NBAS: variants seen among roughly 807,000 people sequenced by gnomAD.
The protein encoded by NBAS is NAG/BC035112 fusion.
Under a neutral mutation model 302.5 loss-of-function variants are expected in NBAS, and 219 were observed. The ratio of observed to expected loss-of-function variants is 0.72; its 90% confidence interval spans 0.65 to 0.81. The LOEUF is 0.81. Ranked by LOEUF, NBAS falls within the 30% of genes least tolerant of loss-of-function variation. The pLI is 0.00. For synonymous variants in NBAS, 1,118 were observed against 1,021.6 expected (o/e 1.09, Z -1.80); for missense variants, 2,932 against 2,841.6 (o/e 1.03, Z -0.72).
the NBAS span, among the ~76,000 whole-genome samples, chr2:15,133,574 C>T: frequency 6.6e-6 from 1 of 152,156 alleles, no homozygotes; most frequent in African/African-American, 2.4e-5. Flanking sequence ...AAAATTGAGT[C>T]TGACCTACCA....
intron 49 of NBAS, 73 bp downstream of exon 49, chr2:15,190,191 A>C (rs1285531998): frequency 6.6e-7 from 1 of 1,524,526 alleles, no homozygotes; most frequent in Admixed American, 1.7e-5. Context: ...GGCTCTTTGG[A>C]AGGTGCTACA....
At chr2:15,265,085 A>G (rs1231637801) in intron 44 of NBAS, among the ~76,000 whole-genome samples, 2 of 152,214 alleles carry the variant, frequency 1.3e-5, no homozygotes, top group Admixed American at 1.3e-4. Context: ...CATATGGTCC[A>G]TTTGGGCCAA....
chr2:15,457,796 G>A (rs377474983), intron 21 of NBAS, among the ~76,000 whole-genome samples: 20 of 152,280 alleles, frequency 1.3e-4, no homozygotes, highest in East Asian at 7.7e-4. Flanking sequence ...CCCTCACAAC[G>A]GAAATAATTT....
chr2:14,793,973 T>C, the NBAS span, among the ~76,000 whole-genome samples: 2 of 152,090 alleles, frequency 1.3e-5, no homozygotes, highest in Non-Finnish European at 2.9e-5. Flanking sequence ...AGGAATGAAG[T>C]AGAAATACAA....
chr2:14,801,613 C>CTGTAATTTTGGTGTTAGTTTTCA, the NBAS span, among the ~76,000 whole-genome samples: 1 of 151,972 alleles, frequency 6.6e-6, no homozygotes, highest in African/African-American at 2.4e-5. Context: ...ATTCTATTCC[C>CTGTAATTTTGGTGTTAGTTTTCA]TGTAATTTTG....
At chr2:15,473,433 C>T in intron 15 of NBAS, 86 bp from the exon 16 acceptor site, 3 of 1,524,762 alleles carry the variant, frequency 2.0e-6, no homozygotes, top group South Asian at 2.3e-5. Flanking sequence ...TGATGATAAT[C>T]CCTTGGACTT....
At chr2:14,801,784 A>G in the NBAS span, among the ~76,000 whole-genome samples, 3 of 152,172 alleles carry the variant, frequency 2.0e-5, no homozygotes, top group African/African-American at 7.2e-5. Context: ...GATGTGATTA[A>G]GTTATTTAAA....
chr2:15,534,655 G>C lies in NBAS; in HGVS notation c.648-14C>G. The C allele has an allele frequency of 6.3e-7, 1 of 1,581,662 alleles. No individual in the cohort carries two copies. The highest frequency in any genetic ancestry group is 1.3e-5 in the African/African-American group (1 of 74,222). On this transcript the variant is annotated splice_polypyrimidine_tract_variant and intron_variant, in intron 8 of 51. Coordinates refer to ENST00000281513, the MANE Select transcript of NBAS (RefSeq NM_015909.4). ...TTTGTTCCAACACTAAATTTAAGAGGGTATGAAAGAAGTAAATACCATTAA... is the reference window on the plus strand; with the variant it reads ...TTTGTTCCAACACTAAATTTAAGAGCGTATGAAAGAAGTAAATACCATTAA...
At chr2:14,939,961 A>G in the NBAS span, among the ~76,000 whole-genome samples, 1 of 152,216 alleles carries the variant, frequency 6.6e-6, no homozygotes, top group Non-Finnish European at 1.5e-5. Flanking sequence ...TAGGAATTGA[A>G]AGGAAACTTG....
chr2:15,034,252 G>GAAAGAAAGAAAGAAAC, the NBAS span, among the ~76,000 whole-genome samples: 4 of 94,236 alleles, frequency 4.2e-5, no homozygotes, highest in South Asian at 1.4e-3. Context: ...AAGAAAGAAA[G>GAAAGAAAGAAAGAAAC]AAAGAAAGAA....
chr2:15,287,014 CAAAAATAGACTCT>C (rs1203549215), intron 42 of NBAS, 46 bp downstream of exon 42: 2 of 1,381,698 alleles, frequency 1.4e-6, no homozygotes, highest in Non-Finnish European at 2.1e-6. Flanking sequence ...CAAGAGTCTT[CAAAAATAGACTCT>C]AAAGAAAGAC....
At chr2:14,952,307 C>T in the NBAS span, among the ~76,000 whole-genome samples, 1 of 152,232 alleles carries the variant, frequency 6.6e-6, no homozygotes, top group Non-Finnish European at 1.5e-5. Context: ...CCAAAGGCTT[C>T]CATCTTCCTC....
chr2:15,108,550 T>G, the NBAS span, among the ~76,000 whole-genome samples: 1 of 152,086 alleles, frequency 6.6e-6, no homozygotes, highest in Non-Finnish European at 1.5e-5. Context: ...ATGTATCTGG[T>G]CCAGGAAAGA....
chr2:15,461,950 AT>A (rs1679524636), intron 19 of NBAS, among the ~76,000 whole-genome samples, 159 bp from the exon 20 acceptor site: 1 of 152,372 alleles, frequency 6.6e-6, no homozygotes, highest in Non-Finnish European at 1.5e-5. Flanking sequence ...CTACATCTGC[AT>A]TATTGCCTTT....
the NBAS span, among the ~76,000 whole-genome samples, chr2:14,791,568 C>T: frequency 6.6e-6 from 1 of 151,992 alleles, no homozygotes; most frequent in Admixed American, 6.6e-5. Context: ...CTCTGGGAGG[C>T]CGAGGCAGGC....
At chr2:15,411,522 A>G (rs1676685281) in intron 25 of NBAS, among the ~76,000 whole-genome samples, 2 of 152,184 alleles carry the variant, frequency 1.3e-5, no homozygotes, top group African/African-American at 4.8e-5. Flanking sequence ...ACAAAAATTT[A>G]TATTCATCTT....
chr2:15,499,753 T>C (rs1175362563), intron 11 of NBAS, among the ~76,000 whole-genome samples: 1 of 152,180 alleles, frequency 6.6e-6, no homozygotes, highest in Non-Finnish European at 1.5e-5. Flanking sequence ...CAGGTACCCC[T>C]GAACTTACAA....
intron 38 of NBAS, among the ~76,000 whole-genome samples, chr2:15,320,322 C>T (rs1235188051): frequency 2.0e-5 from 3 of 152,194 alleles, no homozygotes; most frequent in African/African-American, 7.2e-5. Context: ...GAAGCATTCC[C>T]TTTCAAAACC....
chr2:15,534,483 A>G (rs2148680517), intron 9 of NBAS, 60 bp downstream of exon 9: 4 of 1,213,378 alleles, frequency 3.3e-6, no homozygotes, highest in Non-Finnish European at 3.7e-6. Flanking sequence ...AGTTTCTTCT[A>G]TCTGAATCTA....
Sources: gnomAD v4.1 joint callset for allele counts (sites outside exome capture counted in the v4.1 genomes callset) on GRCh38, gnomAD v4.1.1 for gene constraint, MANE v1.5 for transcripts, NCBI Gene and HGNC (gene_info 2026-07-23, HGNC 2026-07-21) for gene names.